Variants in MYO1D observed in about 807,000 individuals in gnomAD.
MYO1D encodes the protein unconventional myosin-Id.
A neutral mutation model predicts 122.0 loss-of-function variants in MYO1D; 83 were observed. The observed-to-expected ratio is 0.68, with a 90% CI of 0.57 to 0.82. The LOEUF (loss-of-function observed/expected upper bound fraction) is 0.82. Ranked by LOEUF, MYO1D falls within the 40% of genes least tolerant of loss-of-function variation. The probability of loss-of-function intolerance (pLI) is 0.00; values close to 1 mark genes in which losing one functional copy is unlikely to be tolerated. For synonymous variants in MYO1D, 464 were observed against 446.9 expected, an observed-to-expected ratio of 1.04 and a Z score of -0.48; for missense variants, 1,157 against 1,269.5, an observed-to-expected ratio of 0.91 and a Z score of 1.35.
Position 32,711,516 on chromosome 17 carries a change from T to G in MYO1D, c.2121+472A>C, listed in dbSNP as rs368923476. 3.3e-5 allele frequency among the ~76,000 whole-genome samples: 5 copies of G among 151,810 alleles called. No individual in the cohort carries two copies. In the South Asian group the frequency reaches 6.2e-4, roughly 19 times the overall value. ...CAAAAATTAGCCAGGTGTGGTGGTG[T>G]GCGCCTGTAATCCCAGCTACTCGGG... On this transcript the variant is annotated intron_variant, in intron 16 of 21. Transcript: ENST00000318217.
At chr17:32,543,827 C>A (rs1315191500) in intron 21 of MYO1D, among the ~76,000 whole-genome samples, 2 of 151,926 alleles carry the variant, frequency 1.3e-5, no homozygotes, top group African/African-American at 4.8e-5. Flanking sequence ...GAGTCTCGCT[C>A]TGTCACCCAG....
At chr17:32,544,264 T>TAAA (rs559388521) in intron 21 of MYO1D, among the ~76,000 whole-genome samples, 1 of 139,128 alleles carries the variant, frequency 7.2e-6, no homozygotes. Context: ...CCCAGCTAAT[T>TAAA]AAAAAAAAAA....
chr17:32,767,924 C>T (rs2090075174), intron 6 of MYO1D, among the ~76,000 whole-genome samples, 172 bp from the exon 7 acceptor site: 1 of 152,178 alleles, frequency 6.6e-6, no homozygotes, highest in Non-Finnish European at 1.5e-5. Flanking sequence ...CATTATTCAG[C>T]ACGTACAAAG....
chr17:32,759,273 T>A (rs1462717838), intron 10 of MYO1D, among the ~76,000 whole-genome samples: 3 of 152,104 alleles, frequency 2.0e-5, no homozygotes, highest in Non-Finnish European at 4.4e-5. Flanking sequence ...TTTATGGTAT[T>A]CTAACGTTTA....
intron 20 of MYO1D, among the ~76,000 whole-genome samples, chr17:32,607,028 C>T (rs1209035092): frequency 2.6e-5 from 4 of 152,044 alleles, no homozygotes; most frequent in Admixed American, 1.3e-4. Context: ...GGTGTGGTGG[C>T]AGGCGCCTGT....
At chr17:32,690,575 C>T (rs541036365) in intron 16 of MYO1D, among the ~76,000 whole-genome samples, 85 of 152,226 alleles carry the variant, frequency 5.6e-4, no homozygotes, top group African/African-American at 2.0e-3. Flanking sequence ...GGAGGTGGGG[C>T]CTGGTAGGAG....
intron 20 of MYO1D, among the ~76,000 whole-genome samples, chr17:32,633,953 T>TACAC (rs1410047684): frequency 1.3e-5 from 2 of 152,204 alleles, no homozygotes; most frequent in East Asian, 1.9e-4. Flanking sequence ...TGTATATACA[T>TACAC]ACACACACAT....
intron 1 of MYO1D, among the ~76,000 whole-genome samples, chr17:32,808,754 A>T (rs1284070407): frequency 2.0e-5 from 3 of 152,206 alleles, no homozygotes; most frequent in Admixed American, 6.5e-5. Flanking sequence ...ATACAATGAG[A>T]GGGTGGCAGT....
At chr17:32,501,114 A>G (rs1909304707) in intron 21 of MYO1D, among the ~76,000 whole-genome samples, 1 of 152,190 alleles carries the variant, frequency 6.6e-6, no homozygotes, top group Admixed American at 6.5e-5. Context: ...TATATACCCA[A>G]AAGAACTGAG....
At chr17:32,708,439 A>G (rs956500038) in intron 16 of MYO1D, among the ~76,000 whole-genome samples, 3 of 152,224 alleles carry the variant, frequency 2.0e-5, no homozygotes, top group African/African-American at 7.2e-5. Context: ...TTATCAGTAT[A>G]GCTATTTTTA....
rs183574190 is a variant in MYO1D at position 32,865,713 on chromosome 17, G to C, written c.95+11065C>G. Among the ~76,000 whole-genome samples, 47 of 152,300 alleles carry C rather than the reference G, an allele frequency of 3.1e-4. 1 individual carries two copies. Among genetic ancestry groups the C allele is most frequent in the Middle Eastern group, 6.8e-3 (2 of 294 alleles). The stretch of plus-strand genomic sequence containing the variant: ...TTGTGTATCAAGGAGCAGAAATGTG[G>C]GAAAATAAAGGCAATCCCATGCTGG... On this transcript the variant is annotated intron_variant, in intron 1 of 21. Transcript: ENST00000318217.
chr17:32,858,537 T>G (rs2151085942), intron 1 of MYO1D, among the ~76,000 whole-genome samples: 1 of 152,338 alleles, frequency 6.6e-6, no homozygotes, highest in East Asian at 1.9e-4. Flanking sequence ...TTTCCTCTGA[T>G]TAGATTCAGG....
At chr17:32,862,651 C>T (rs1488366913) in intron 1 of MYO1D, among the ~76,000 whole-genome samples, 2 of 151,998 alleles carry the variant, frequency 1.3e-5, no homozygotes, top group Non-Finnish European at 2.9e-5. Context: ...ATAACCATAA[C>T]CATCGGGTGA....
intron 5 of MYO1D, among the ~76,000 whole-genome samples, chr17:32,771,732 T>C (rs999857328): frequency 2.0e-5 from 3 of 152,190 alleles, no homozygotes; most frequent in East Asian, 3.8e-4. Context: ...GATTGTAGTA[T>C]TGGATAAAGA....
At chr17:32,756,112 A>G in intron 10 of MYO1D, 1 of 210,366 alleles carries the variant, frequency 4.8e-6, no homozygotes, top group Non-Finnish European at 9.6e-6. Context: ...TTGCAATTTT[A>G]TAAAAGTAGG....
At chr17:32,741,708 G>A (rs1454861123) in intron 13 of MYO1D, among the ~76,000 whole-genome samples, 3 of 152,126 alleles carry the variant, frequency 2.0e-5, no homozygotes, top group African/African-American at 4.8e-5. Context: ...AATTACAGTT[G>A]GCTCTCCATA....
At chr17:32,587,851 TC>T (rs2087404898) in intron 21 of MYO1D, among the ~76,000 whole-genome samples, 1 of 152,210 alleles carries the variant, frequency 6.6e-6, no homozygotes, top group Admixed American at 6.5e-5. Flanking sequence ...TCCAGCTACT[TC>T]CAGCTGCAGC....
intron 20 of MYO1D, among the ~76,000 whole-genome samples, chr17:32,633,179 A>AAAC (rs2088045680): frequency 6.6e-6 from 1 of 151,848 alleles, no homozygotes; most frequent in Non-Finnish European, 1.5e-5. Flanking sequence ...TTTAAAAAAA[A>AAAC]AACAGTTAAG....
chr17:32,741,857 C>T (rs925231155), intron 13 of MYO1D, among the ~76,000 whole-genome samples: 2 of 150,966 alleles, frequency 1.3e-5, no homozygotes, highest in Non-Finnish European at 3.0e-5. Flanking sequence ...ACTAAAAATA[C>T]AAAAAAAATT....
Sources: gnomAD v4.1 joint callset for allele counts (sites outside exome capture counted in the v4.1 genomes callset) on GRCh38, gnomAD v4.1.1 for gene constraint, MANE v1.5 for transcripts, NCBI Gene and HGNC (gene_info 2026-07-23, HGNC 2026-07-21) for gene names.